ACACB: variants seen among roughly 807,000 people sequenced by gnomAD.
ACACB encodes the protein acetyl-CoA carboxylase beta, also known as acetyl-CoA carboxylase 2.
Under a neutral mutation model 278.8 loss-of-function variants are expected in ACACB, and 209 were observed. The observed-to-expected ratio is 0.75, with a 90% CI of 0.67 to 0.84. The LOEUF is 0.84. Among genes scored for constraint, ACACB ranks in the 40% least tolerant of loss-of-function variants. The pLI is 0.00. For missense variants in ACACB, 2,850 were observed against 3,269.0 expected (o/e 0.87, Z 3.13); for synonymous variants, 1,174 against 1,285.6 (o/e 0.91, Z 1.86).
chr12:109,205,644 G>A (rs1165535554), intron 19 of ACACB, among the ~76,000 whole-genome samples: 1 of 152,012 alleles, frequency 6.6e-6, no homozygotes, highest in African/African-American at 2.4e-5. Flanking sequence ...AGTAGAGATG[G>A]GGTTTCACCA....
At chr12:109,199,309 T>G in intron 17 of ACACB, 93 bp from the exon 18 acceptor site, 1 of 1,144,002 alleles carries the variant, frequency 8.7e-7, no homozygotes, top group African/African-American at 1.6e-5. Flanking sequence ...CACTCCCCCT[T>G]TAGGAAGGGG....
intron 1 of ACACB, among the ~76,000 whole-genome samples, chr12:109,124,583 G>A (rs996778687): frequency 1.3e-5 from 2 of 152,174 alleles, no homozygotes; most frequent in African/African-American, 2.4e-5. Context: ...CCCTCTTGCC[G>A]AATGACTTTA....
At chr12:109,185,495 C>G in intron 11 of ACACB, 84 bp from the exon 12 acceptor site, 1 of 1,451,548 alleles carries the variant, frequency 6.9e-7, no homozygotes, top group Non-Finnish European at 9.6e-7. Flanking sequence ...ACTGAACCTC[C>G]GTTGCATCTA....
intron 36 of ACACB, chr12:109,241,700 T>A (rs1212715093): frequency 4.5e-5 from 9 of 199,644 alleles, no homozygotes; most frequent in South Asian, 1.1e-4. Context: ...TGTAATGCAG[T>A]CCTCAGATTG....
In ACACB at chr12:109,206,982, T is replaced by A; in HGVS notation, c.3060+126T>A. 3.5e-6 allele frequency: 4 copies of A among 1,140,066 alleles called. No homozygotes were observed. The South Asian group carries it at 6.7e-5, about 19-fold the overall frequency. The allele number at this position is 1,140,066 out of a possible 1,614,324, so 70.6% of individuals were successfully genotyped here. On this transcript the variant is annotated intron_variant, in intron 20 of 52. Coordinates refer to ENST00000338432, the MANE Select transcript of ACACB (RefSeq NM_001093.4). ...GGTCGGTCCTCTGTTGTTTTTATTT[T>A]ATTTATTTTATTTTTTCAGACAAGG... is the stretch of plus-strand genomic sequence containing the variant.
intron 1 of ACACB, among the ~76,000 whole-genome samples, 175 bp downstream of exon 1, chr12:109,116,879 C>T (rs893299074): frequency 3.9e-5 from 6 of 152,086 alleles, no homozygotes; most frequent in African/African-American, 9.7e-5. Context: ...CGAAATGTAA[C>T]GCAGATGAAA....
chr12:109,244,195 G>A (rs2046879169), intron 37 of ACACB, among the ~76,000 whole-genome samples: 1 of 152,142 alleles, frequency 6.6e-6, no homozygotes, highest in Non-Finnish European at 1.5e-5. Flanking sequence ...CCAAGGTCAA[G>A]GACCTTCCAG....
intron 28 of ACACB, among the ~76,000 whole-genome samples, chr12:109,232,178 C>A (rs989985732): frequency 1.3e-5 from 2 of 152,234 alleles, no homozygotes; most frequent in African/African-American, 4.8e-5. Flanking sequence ...TGCTGGTGAG[C>A]AGCCAGTTCT....
At position 109,146,557 on chromosome 12, in the gene ACACB, CTCTT is replaced by C. The variant is rs1333919920; in HGVS notation, c.653+6503_653+6506del. 3.9e-5 allele frequency among the ~76,000 whole-genome samples: 6 copies of C among 152,206 alleles called. No homozygotes were observed. In the South Asian group the frequency reaches 6.2e-4, roughly 16 times the overall value. Reference sequence around the variant, plus strand: ...TGGGTTCCCTCTGAACTGAAACACTCTCTTTCTCCCAACCCCTGAACCCAGACCT... The same window carrying C: ...TGGGTTCCCTCTGAACTGAAACACTCTCTCCCAACCCCTGAACCCAGACCT... On this transcript the variant is annotated intron_variant, in intron 2 of 52. Transcript: ENST00000338432.
rs766827789 is a variant in ACACB, at chr12:109,233,826, A to G, written c.4218A>G (p.Leu1406=). 1.2e-6 allele frequency: 2 copies of G among 1,614,164 alleles called. No individual in the cohort carries two copies. Among genetic ancestry groups the G allele is most frequent in the Non-Finnish European group, 1.7e-6 (2 of 1,180,028 alleles). Residue 1406 remains leucine, a synonymous_variant, in exon 30 of 53, where the codon CTA becomes CTG. Transcript: ENST00000338432. ...TCTTCAGCGAGGCCCGCACCTCCCT[A>G]TACTCCGAGGATGACTGCAAGGTAA... ...TPLFSEARTS[L]YSEDDCKSLR... is the part of the protein sequence containing the mutation.
In ACACB at chr12:109,205,600, C is replaced by G. The variant is rs545123060; in HGVS notation, c.2914-1110C>G. Among the ~76,000 whole-genome samples, 4 of 152,158 alleles carry G rather than the reference C, an allele frequency of 2.6e-5. No homozygotes were observed. The South Asian group carries it at 8.3e-4, about 32-fold the overall frequency. On this transcript the variant is annotated intron_variant, in intron 19 of 52. Transcript: ENST00000338432. Reference sequence around the variant, plus strand: ...GAGTAGCTCGGATTACAGGCACGCGCCACCATGACTGGCTAATTTTTGTGT... The same window carrying G: ...GAGTAGCTCGGATTACAGGCACGCGGCACCATGACTGGCTAATTTTTGTGT...
intron 36 of ACACB, 80 bp from the exon 37 acceptor site, chr12:109,242,357 C>G (rs1001760286): frequency 1.0e-5 from 15 of 1,493,432 alleles, no homozygotes; most frequent in Non-Finnish European, 1.4e-5. Context: ...CCTGCATTTT[C>G]ATTGAGGACT....
chr12:109,222,725 G>A (rs996819469), intron 25 of ACACB, 74 bp from the exon 26 acceptor site: 8 of 1,531,554 alleles, frequency 5.2e-6, no homozygotes, highest in African/African-American at 1.4e-5. Flanking sequence ...CCGTGCTGCC[G>A]GCCCGTGCCC....
intron 33 of ACACB, chr12:109,235,968 T>G: frequency 4.0e-6 from 1 of 251,388 alleles, no homozygotes; most frequent in African/African-American, 2.2e-5. Context: ...CACTGCACTC[T>G]AGCCTGGGTG....
intron 45 of ACACB, among the ~76,000 whole-genome samples, chr12:109,257,325 A>T (rs1450450994): frequency 3.3e-5 from 5 of 152,124 alleles, no homozygotes; most frequent in Middle Eastern, 6.8e-3. Flanking sequence ...AAAATAAAAA[A>T]AAAAAAATCC....
chr12:109,227,831 C>G (rs990001527), intron 28 of ACACB, among the ~76,000 whole-genome samples: 43 of 152,118 alleles, frequency 2.8e-4, no homozygotes, highest in Non-Finnish European at 2.9e-5. Context: ...TCAGGAGTTC[C>G]AGACCAGCCT....
At chr12:109,244,492 T>G (rs1267470998) in intron 37 of ACACB, among the ~76,000 whole-genome samples, 1 of 152,242 alleles carries the variant, frequency 6.6e-6, no homozygotes, top group Non-Finnish European at 1.5e-5. Context: ...TGTCATTGTC[T>G]GTATCCTTTT....
intron 16 of ACACB, among the ~76,000 whole-genome samples, chr12:109,195,349 C>T (rs1347124966): frequency 1.3e-5 from 2 of 152,202 alleles, no homozygotes; most frequent in African/African-American, 4.8e-5. Context: ...ATGAGTAGAA[C>T]TCACAACTTT....
intron 20 of ACACB, among the ~76,000 whole-genome samples, chr12:109,208,868 A>G (rs941134067): frequency 6.6e-6 from 1 of 152,234 alleles, no homozygotes; most frequent in African/African-American, 2.4e-5. Flanking sequence ...GCACTAAGCA[A>G]GTATCCTATA....
Sources: allele counts gnomAD v4.1 joint callset (sites outside exome capture counted in the v4.1 genomes callset), GRCh38; gene constraint gnomAD v4.1.1; transcripts MANE v1.5; gene names NCBI Gene and HGNC (gene_info 2026-07-23, HGNC 2026-07-21).